Variants in EPHA6 observed in about 807,000 individuals in gnomAD.
The protein encoded by EPHA6 is EPH receptor A6.
In EPHA6, 50 loss-of-function variants were observed where a neutral mutation model predicts 112.0. That is an observed-to-expected ratio of 0.45 (90% CI 0.36 to 0.56). EPHA6 has a LOEUF of 0.56. EPHA6 is among the 20% of genes least tolerant of loss of function. The pLI is 0.00. For synonymous variants in EPHA6, 529 were observed against 490.7 expected (o/e 1.08, Z -1.03); for missense variants, 1,280 against 1,417.4 (o/e 0.90, Z 1.56).
intron 3 of EPHA6, among the ~76,000 whole-genome samples, chr3:97,213,145 A>G (rs2077925350): frequency 6.6e-6 from 1 of 152,128 alleles, no homozygotes; most frequent in African/African-American, 2.4e-5. Context: ...CTGTCTCTCC[A>G]TGTTCTCCGG....
chr3:97,694,441 T>G (rs1421782412), intron 14 of EPHA6, among the ~76,000 whole-genome samples: 9 of 152,158 alleles, frequency 5.9e-5, no homozygotes, highest in Non-Finnish European at 1.2e-4. Context: ...TTCACCATGT[T>G]GGCCAGGCTT....
chr3:97,760,386 ATATGTATG>A lies in EPHA6; in HGVS notation c.*11687_*11694del, dbSNP rs1261140905. 2 of 161,600 alleles carry A rather than the reference ATATGTATG, an allele frequency of 1.2e-5. No individual in the cohort carries two copies. Among genetic ancestry groups the A allele is most frequent in the African/African-American group, 4.8e-5 (2 of 41,258 alleles). 10.0% of individuals were successfully genotyped at this position (161,600 alleles called of 1,614,324 possible). A position where few individuals can be genotyped will look rare whatever the true frequency, so the allele number is the denominator to read the frequency against. On this transcript the variant is annotated 3_prime_UTR_variant, in exon 18 of 18. Coordinates refer to ENST00000389672, the MANE Select transcript of EPHA6 (RefSeq NM_001080448.3). ...GTATATATACCATATGTATATATAC[ATATGTATG>A]TGTGTATGTGTGTATATATATCTCT...
intron 13 of EPHA6, chr3:97,612,558 A>T (rs2093729353): frequency 4.5e-6 from 1 of 221,052 alleles, no homozygotes; most frequent in Non-Finnish European, 9.5e-6. Context: ...AAGAAACAAT[A>T]ATATGTTACA....
intron 5 of EPHA6, among the ~76,000 whole-genome samples, chr3:97,247,406 C>T (rs1445330620): frequency 1.3e-5 from 2 of 151,812 alleles, no homozygotes; most frequent in African/African-American, 2.4e-5. Flanking sequence ...AGTTAGTACT[C>T]TAGTTAAAGT....
At chr3:97,470,196 T>C (rs1172399338) in intron 7 of EPHA6, among the ~76,000 whole-genome samples, 2 of 151,752 alleles carry the variant, frequency 1.3e-5, no homozygotes, top group Non-Finnish European at 3.0e-5. Flanking sequence ...CTGATTTCTA[T>C]ACATGATCTG....
chr3:97,280,719 T>A (rs1024064632), intron 5 of EPHA6, among the ~76,000 whole-genome samples: 1 of 152,192 alleles, frequency 6.6e-6, no homozygotes, highest in Non-Finnish European at 1.5e-5. Flanking sequence ...CTTATATATC[T>A]CTTTATAAGG....
At chr3:97,637,693 C>T (rs1014447155) in intron 13 of EPHA6, among the ~76,000 whole-genome samples, 180 bp from the exon 14 acceptor site, 12 of 152,120 alleles carry the variant, frequency 7.9e-5, no homozygotes, top group Admixed American at 1.3e-4. Context: ...GTTAAATTTT[C>T]CCTTTTCTTT....
intron 6 of EPHA6, among the ~76,000 whole-genome samples, chr3:97,415,519 T>C (rs907815000): frequency 6.6e-6 from 1 of 152,074 alleles, no homozygotes; most frequent in Non-Finnish European, 1.5e-5. Flanking sequence ...GATGAGGGTA[T>C]GAATTTGTGA....
At chr3:97,492,948 AT>A (rs1303342417) in intron 10 of EPHA6, among the ~76,000 whole-genome samples, 2 of 149,574 alleles carry the variant, frequency 1.3e-5, no homozygotes, top group Non-Finnish European at 3.0e-5. Context: ...ATTATATCTA[AT>A]TTCTCTTCAA....
chr3:97,592,163 T>G (rs2093551131), intron 11 of EPHA6, among the ~76,000 whole-genome samples: 2 of 152,226 alleles, frequency 1.3e-5, no homozygotes, highest in African/African-American at 4.8e-5. Flanking sequence ...AAAGTTTTCC[T>G]TATTTTAAGC....
rs572672209 is a variant in EPHA6 at position 97,290,006 on chromosome 3, G to A, written c.1606+45719G>A. On this transcript the variant is annotated intron_variant, in intron 5 of 17. Transcript: ENST00000389672. ...TTTCTTTTCTTCTGCTAGCTTTGAG[G>A]TTAATTTCTTCTTCTTTATCTAGTT... is the stretch of plus-strand genomic sequence containing the variant. Among the ~76,000 whole-genome samples, 267 of 151,976 alleles carry A rather than the reference G, an allele frequency of 1.8e-3. 3 individuals carry two copies. The highest frequency in any genetic ancestry group is 3.3e-3 in the South Asian group (16 of 4,814).
At chr3:97,366,750 A>C (rs535036176) in intron 5 of EPHA6, among the ~76,000 whole-genome samples, 2 of 152,192 alleles carry the variant, frequency 1.3e-5, no homozygotes, top group Non-Finnish European at 2.9e-5. Context: ...ATGATTATGT[A>C]CTTATGTAGA....
At chr3:97,642,288 G>C (rs1041312177) in intron 14 of EPHA6, among the ~76,000 whole-genome samples, 7 of 101,104 alleles carry the variant, frequency 6.9e-5, no homozygotes, top group South Asian at 3.5e-4. Context: ...AAACCCATCT[G>C]TACATCACCA....
chr3:97,532,229 A>G, intron 10 of EPHA6, 129 bp from the exon 11 acceptor site: 1 of 732,212 alleles, frequency 1.4e-6, no homozygotes, highest in Non-Finnish European at 2.2e-6. Flanking sequence ...TAAGAAAGAA[A>G]TGTTTATATG....
At chr3:97,722,846 A>G (rs1378448189) in intron 15 of EPHA6, among the ~76,000 whole-genome samples, 2 of 152,144 alleles carry the variant, frequency 1.3e-5, no homozygotes, top group African/African-American at 4.8e-5. Context: ...GAGGATACAA[A>G]TAAATATAAA....
chr3:97,462,334 T>C (rs1290399973), intron 7 of EPHA6, among the ~76,000 whole-genome samples: 3 of 152,154 alleles, frequency 2.0e-5, no homozygotes, highest in Non-Finnish European at 4.4e-5. Flanking sequence ...TTCAGTATGA[T>C]TTTTTGGACC....
At chr3:96,983,675 C>T (rs1413556808) in intron 2 of EPHA6, among the ~76,000 whole-genome samples, 1 of 152,246 alleles carries the variant, frequency 6.6e-6, no homozygotes, top group Non-Finnish European at 1.5e-5. Context: ...TTCTCCCCAT[C>T]ACTTTCAGGT....
chr3:97,266,968 A>G (rs1048408003), intron 5 of EPHA6, among the ~76,000 whole-genome samples: 2 of 152,170 alleles, frequency 1.3e-5, no homozygotes, highest in East Asian at 3.8e-4. Flanking sequence ...AAAGGGGTAG[A>G]GTCATCAAAT....
intron 11 of EPHA6, among the ~76,000 whole-genome samples, chr3:97,574,873 G>A (rs1320988804): frequency 6.6e-6 from 1 of 152,050 alleles, no homozygotes; most frequent in African/African-American, 2.4e-5. Flanking sequence ...AAACTGGAGG[G>A]TGGGAAGGGG....
Sources: gnomAD v4.1 joint callset for allele counts (sites outside exome capture counted in the v4.1 genomes callset) on GRCh38, gnomAD v4.1.1 for gene constraint, MANE v1.5 for transcripts, NCBI Gene and HGNC (gene_info 2026-07-23, HGNC 2026-07-21) for gene names.